SYNE2: variants seen among roughly 807,000 people sequenced by gnomAD.
The protein encoded by SYNE2 is spectrin repeat containing nuclear envelope protein 2, also known as nesprin-2.
A neutral mutation model predicts 856.3 loss-of-function variants in SYNE2; 431 were observed. The ratio of observed to expected loss-of-function variants is 0.50; its 90% CI spans 0.47 to 0.55. The LOEUF is 0.55. Ranked by LOEUF, SYNE2 falls within the 20% of genes least tolerant of loss-of-function variation. SYNE2 has a pLI of 0.00. For missense variants in SYNE2, 8,129 were observed against 8,023.2 expected (o/e 1.01, Z -0.50); for synonymous variants, 2,923 against 2,872.3 (o/e 1.02, Z -0.56).
chr14:64,026,786 A>G, intron 42 of SYNE2, 56 bp downstream of exon 42: 2 of 1,559,440 alleles, frequency 1.3e-6, no homozygotes, highest in Admixed American at 1.9e-5. Flanking sequence ...TGAAGCCATA[A>G]CAAGTATGTT....
intron 2 of SYNE2, among the ~76,000 whole-genome samples, chr14:63,910,950 G>T (rs1290930676): frequency 6.6e-6 from 1 of 152,096 alleles, no homozygotes; most frequent in Non-Finnish European, 1.5e-5. Flanking sequence ...CAGATGTCTG[G>T]TTTTTTTCTG....
chr14:64,170,652 A>G (rs1218771439), intron 94 of SYNE2, among the ~76,000 whole-genome samples, 190 bp downstream of exon 94: 1 of 152,128 alleles, frequency 6.6e-6, no homozygotes, highest in African/African-American at 2.4e-5. Flanking sequence ...GAAACCCGAT[A>G]TTACCCATTC....
intron 1 of SYNE2, among the ~76,000 whole-genome samples, chr14:63,881,467 A>T (rs2094862259): frequency 6.6e-6 from 1 of 151,900 alleles, no homozygotes; most frequent in Admixed American, 6.6e-5. Flanking sequence ...TAGGCAGCAT[A>T]GTGAGACCCT....
chr14:64,072,797 C>T (rs533925637), intron 52 of SYNE2, among the ~76,000 whole-genome samples: 8 of 152,046 alleles, frequency 5.3e-5, no homozygotes, highest in Admixed American at 2.6e-4. Flanking sequence ...CACTGCGCCC[C>T]GCTGGTACAC....
chr14:64,051,600 T>A lies in SYNE2; in HGVS notation c.7687T>A (p.Phe2563Ile), dbSNP rs747117467. The A allele has an allele frequency of 6.2e-7, 1 of 1,613,694 alleles. No individual in the cohort carries two copies. Among genetic ancestry groups the A allele is most frequent in the Non-Finnish European group, 8.5e-7 (1 of 1,179,906 alleles). ...SVTYLDKIKK[F>I]IASIEKEKDS... is the part of the protein sequence containing the mutation. The stretch of plus-strand genomic sequence containing the variant: ...AACGTATCTGGACAAAATTAAAAAA[T>A]TCATAGCATCCATAGAAAAAGAGAA... Residue 2563 changes from phenylalanine to isoleucine, a missense_variant, in exon 48 of 116, where the codon TTC becomes ATC. Transcript: ENST00000555002.
intron 85 of SYNE2, among the ~76,000 whole-genome samples, chr14:64,158,361 T>G (rs1456798889): frequency 6.6e-6 from 1 of 152,226 alleles, no homozygotes; most frequent in Non-Finnish European, 1.5e-5. Context: ...CCAGTGTTCT[T>G]TCCCTGGGCT....
intron 2 of SYNE2, among the ~76,000 whole-genome samples, chr14:63,911,756 C>T (rs1317485930): frequency 6.6e-6 from 1 of 152,154 alleles, no homozygotes; most frequent in Non-Finnish European, 1.5e-5. Flanking sequence ...CTATTCAATC[C>T]ATAGCAAGTT....
chr14:63,962,497 T>G (rs2153448638), intron 9 of SYNE2, among the ~76,000 whole-genome samples: 1 of 152,354 alleles, frequency 6.6e-6, no homozygotes, highest in Admixed American at 6.5e-5. Flanking sequence ...ATCATCTAAT[T>G]TGAGCACATT....
At chr14:63,976,984 C>CAA (rs57088694) in intron 12 of SYNE2, among the ~76,000 whole-genome samples, 14 of 133,778 alleles carry the variant, frequency 1.0e-4, no homozygotes, top group Middle Eastern at 3.6e-3. Context: ...AAAGTCTTAC[C>CAA]AAAAAAAAAA....
rs568115194 is a variant in SYNE2, at chr14:64,101,698, A to T, written c.12382-234A>T. On this transcript the variant is annotated intron_variant, in intron 63 of 115. Coordinates refer to ENST00000555002, the MANE Select transcript of SYNE2 (RefSeq NM_182914.3). ...GATTTCCGTTGTGTGACGTGAGCCG[A>T]GCCCCTACTTTTAAAAGTATTTTCT... Among the ~76,000 whole-genome samples, 5 of 152,336 alleles carry T rather than the reference A, an allele frequency of 3.3e-5. No individual in the cohort carries two copies. In the East Asian group the frequency reaches 9.6e-4, roughly 29 times the overall value.
At chr14:64,161,789 TAAAA>T (rs1033263558) in intron 87 of SYNE2, among the ~76,000 whole-genome samples, 3 of 151,952 alleles carry the variant, frequency 2.0e-5, no homozygotes, top group Non-Finnish European at 4.4e-5. Flanking sequence ...TCCCCTCTCT[TAAAA>T]AAAGAGAGTG....
At chr14:64,084,827 A>G in intron 57 of SYNE2, 1 of 622,264 alleles carries the variant, frequency 1.6e-6, no homozygotes, top group South Asian at 1.8e-5. Flanking sequence ...AAGGTCTCTC[A>G]TGAGAATGCG....
chr14:63,871,103 T>C (rs555856768), intron 1 of SYNE2, among the ~76,000 whole-genome samples: 1 of 152,322 alleles, frequency 6.6e-6, no homozygotes, highest in African/African-American at 2.4e-5. Context: ...ACTCTCCATT[T>C]ATCAATGCGG....
intron 68 of SYNE2, among the ~76,000 whole-genome samples, chr14:64,121,606 C>T (rs898245457): frequency 1.3e-5 from 2 of 152,194 alleles, no homozygotes; most frequent in African/African-American, 2.4e-5. Context: ...TGTGTGTGTG[C>T]AGAAACTCTG....
At position 64,021,387 on chromosome 14, in the gene SYNE2, G is replaced by A. The variant is rs944081466; in HGVS notation, c.5224G>A (p.Ala1742Thr). Residue 1742 changes from alanine (A) to threonine (T), a missense_variant, in exon 36 of 116, where the codon GCA (alanine) becomes ACA (threonine). Around this residue, in one of 3 missense-constraint regions of SYNE2, gnomAD observed 2,422 missense variants for 2,357.4 expected, o/e 1.03. Transcript: ENST00000555002. ...CTTAACAGGAGAATCCAACTGCCAT[G>A]CACTCAGTGGCAGCACTGCTGAGCT... ...KCLTGESNCH[A>T]LSGSTAELRE... The A allele has an allele frequency of 1.9e-6, 3 of 1,614,004 alleles. No homozygotes were observed. The highest frequency in any genetic ancestry group is 1.7e-6 in the Non-Finnish European group (2 of 1,179,890).
At chr14:64,214,753 T>C (rs2098657769) in intron 106 of SYNE2, among the ~76,000 whole-genome samples, 1 of 152,182 alleles carries the variant, frequency 6.6e-6, no homozygotes, top group Non-Finnish European at 1.5e-5. Context: ...CAGTGATTTT[T>C]TTTTGATACA....
chr14:63,943,753 C>G lies in SYNE2; in HGVS notation c.408+1610C>G, dbSNP rs985654641. Among the ~76,000 whole-genome samples, 35 of 151,904 alleles carry G rather than the reference C, an allele frequency of 2.3e-4. 1 individual carries two copies. The highest frequency in any genetic ancestry group is 8.0e-4 in the African/African-American group (33 of 41,504). On this transcript the variant is annotated intron_variant, in intron 6 of 115. Coordinates refer to ENST00000555002, the MANE Select transcript of SYNE2 (RefSeq NM_182914.3). ...TGGCACGATCTCGGCTCACTGCAAC[C>G]TCCGCCTCCTGGGTTCAAGAGGTTC...
chr14:63,992,065 C>T (rs984107799), intron 21 of SYNE2, among the ~76,000 whole-genome samples: 8 of 151,994 alleles, frequency 5.3e-5, no homozygotes, highest in African/African-American at 1.2e-4. Flanking sequence ...CTTGATCTCA[C>T]GCCGTTTGAA....
At chr14:63,968,814 C>A (rs938558942) in intron 11 of SYNE2, among the ~76,000 whole-genome samples, 10 of 152,148 alleles carry the variant, frequency 6.6e-5, no homozygotes, top group African/African-American at 1.9e-4. Context: ...TCCATTTCCT[C>A]CAGCATTTAT....
Sources: allele counts gnomAD v4.1 joint callset (sites outside exome capture counted in the v4.1 genomes callset), GRCh38; gene constraint gnomAD v4.1.1; regional missense constraint gnomAD v4.1.1; transcripts MANE v1.5; gene names NCBI Gene and HGNC (gene_info 2026-07-23, HGNC 2026-07-21).